GPC6: variants seen among roughly 807,000 people sequenced by gnomAD.
GPC6 encodes glypican-6.
GPC6 carries 14 observed loss-of-function variants against 55.2 expected under a neutral mutation model. That is an observed-to-expected ratio of 0.25 (90% confidence interval 0.17 to 0.40). The LOEUF (loss-of-function observed/expected upper bound fraction) is 0.40, where lower values mean the gene tolerates loss of function less well. Among genes scored for constraint, GPC6 ranks in the 10% least tolerant of loss-of-function variants. GPC6 has a pLI of 1.00. For synonymous variants in GPC6, 278 were observed against 259.6 expected (o/e 1.07, Z -0.68); for missense variants, 641 against 708.5 (o/e 0.90, Z 1.08).
intron 7 of GPC6, among the ~76,000 whole-genome samples, chr13:94,390,493 TG>T (rs1247610010): frequency 6.6e-6 from 1 of 151,802 alleles, no homozygotes; most frequent in African/African-American, 2.4e-5. Flanking sequence ...ACAACCATGG[TG>T]GAAGGCGAAG....
At chr13:94,047,105 T>C (rs1883761365) in intron 4 of GPC6, among the ~76,000 whole-genome samples, 1 of 152,138 alleles carries the variant, frequency 6.6e-6, no homozygotes, top group Non-Finnish European at 1.5e-5. Context: ...TTTCTCTACT[T>C]CAGTGTACCA....
chr13:93,590,293 TAGTC>T (rs1295120182), intron 2 of GPC6, among the ~76,000 whole-genome samples: 1 of 152,198 alleles, frequency 6.6e-6, no homozygotes, highest in East Asian at 1.9e-4. Context: ...ATTAGCTAAA[TAGTC>T]AGTTCATGTT....
At chr13:93,671,621 T>G (rs937651520) in intron 2 of GPC6, among the ~76,000 whole-genome samples, 2 of 151,818 alleles carry the variant, frequency 1.3e-5, no homozygotes, top group Admixed American at 6.6e-5. Flanking sequence ...GGGTTTTTTT[T>G]GGGTTCTCTG....
At chr13:94,288,945 A>C (rs1354528616) in intron 5 of GPC6, among the ~76,000 whole-genome samples, 1 of 10,710 alleles carries the variant, frequency 9.3e-5, no homozygotes, top group South Asian at 6.1e-3. Context: ...ATAGATAGAT[A>C]GATAGATATA....
intron 1 of GPC6, among the ~76,000 whole-genome samples, chr13:93,324,526 T>G (rs1879570077): frequency 1.5e-5 from 2 of 135,348 alleles, no homozygotes. Flanking sequence ...TATTAAAATA[T>G]CTCATGTATG....
At chr13:93,806,716 A>G (rs888888113) in intron 2 of GPC6, among the ~76,000 whole-genome samples, 2 of 152,216 alleles carry the variant, frequency 1.3e-5, no homozygotes, top group Admixed American at 6.5e-5. Context: ...CAGATAAAAT[A>G]TACAATGTTA....
chr13:93,771,257 C>T (rs1384682095), intron 2 of GPC6, among the ~76,000 whole-genome samples: 2 of 152,174 alleles, frequency 1.3e-5, no homozygotes, highest in East Asian at 3.9e-4. Context: ...AGGCCCACTC[C>T]CAAGCCTGAG....
In GPC6 at chr13:93,375,346, GC is replaced by G. The variant is rs146631584; in HGVS notation, c.160+147731del. Among the ~76,000 whole-genome samples the G allele has an allele frequency of 4.4e-3, 665 of 152,270 alleles. 5 individuals carry two copies. Among genetic ancestry groups the G allele is most frequent in the African/African-American group, 0.015 (633 of 41,548 alleles). On this transcript the variant is annotated intron_variant, in intron 1 of 8. Transcript: ENST00000377047. Reference sequence around the variant, plus strand: ...GATTATTCCATCAGCATTGAGGACTGCTTAAAGAACTTGTATTTTCCAATCT... The same window carrying G: ...GATTATTCCATCAGCATTGAGGACTGTTAAAGAACTTGTATTTTCCAATCT...
chr13:93,651,814 C>T (rs533592204), intron 2 of GPC6, among the ~76,000 whole-genome samples: 23 of 152,246 alleles, frequency 1.5e-4, no homozygotes, highest in African/African-American at 5.5e-4. Flanking sequence ...TCAAACCTGG[C>T]TGCACATTAG....
intron 3 of GPC6, among the ~76,000 whole-genome samples, chr13:93,927,805 C>G (rs891046090): frequency 6.6e-6 from 1 of 151,962 alleles, no homozygotes; most frequent in Admixed American, 6.6e-5. Context: ...GTTATAAAAG[C>G]ACTGAATAAG....
At chr13:93,765,088 C>G (rs142657147) in intron 2 of GPC6, among the ~76,000 whole-genome samples, 1 of 152,104 alleles carries the variant, frequency 6.6e-6, no homozygotes. Flanking sequence ...CGTGAGCCAC[C>G]GGGCATGCCC....
At chr13:93,638,341 A>G (rs1377257149) in intron 2 of GPC6, among the ~76,000 whole-genome samples, 4 of 152,116 alleles carry the variant, frequency 2.6e-5, no homozygotes, top group African/African-American at 4.8e-5. Context: ...TTAATTAACA[A>G]TGTTTCAAAG....
intron 3 of GPC6, among the ~76,000 whole-genome samples, chr13:93,930,650 A>T (rs1380784751): frequency 6.6e-6 from 1 of 152,092 alleles, no homozygotes; most frequent in Non-Finnish European, 1.5e-5. Context: ...CAGGGCATGG[A>T]GAATAGATGA....
intron 1 of GPC6, among the ~76,000 whole-genome samples, chr13:93,467,575 C>CTTT (rs11426472): frequency 0.013 from 956 of 74,030 alleles, 9 homozygotes; most frequent in African/African-American, 0.017. Flanking sequence ...AGCTGTGATT[C>CTTT]TTTTTTTTTT....
intron 3 of GPC6, among the ~76,000 whole-genome samples, chr13:93,875,827 A>G (rs534599409): frequency 6.6e-6 from 1 of 152,222 alleles, no homozygotes; most frequent in East Asian, 1.9e-4. Flanking sequence ...AACAAGCTTC[A>G]GGGAACAGAG....
Position 93,479,848 on chromosome 13 carries a change from A to G in GPC6, c.161-65415A>G, listed in dbSNP as rs1879449095. Among the ~76,000 whole-genome samples, 3 of 152,190 alleles carry G rather than the reference A, an allele frequency of 2.0e-5. No homozygotes were observed. In the South Asian group the frequency reaches 6.2e-4, roughly 32 times the overall value. On this transcript the variant is annotated intron_variant, in intron 1 of 8. Transcript: ENST00000377047. ...TCATACGGTGTAGTCTTCTGGATTAAAACAATGATTTATTTCTCATGGAGA... is the reference window on the plus strand; with the variant it reads ...TCATACGGTGTAGTCTTCTGGATTAGAACAATGATTTATTTCTCATGGAGA...
chr13:94,233,428 T>G (rs9516370), intron 4 of GPC6, among the ~76,000 whole-genome samples: 4 of 152,050 alleles, frequency 2.6e-5, no homozygotes, highest in Non-Finnish European at 4.4e-5. Flanking sequence ...CATTATCTGC[T>G]CTTTCACTTT....
chr13:94,031,269 T>C (rs1883127509), intron 4 of GPC6, among the ~76,000 whole-genome samples: 1 of 152,198 alleles, frequency 6.6e-6, no homozygotes, highest in Non-Finnish European at 1.5e-5. Flanking sequence ...ACTCCATTTT[T>C]ACATGAAGAA....
At chr13:93,259,138 A>G (rs1379555498) in intron 1 of GPC6, among the ~76,000 whole-genome samples, 3 of 152,136 alleles carry the variant, frequency 2.0e-5, no homozygotes, top group African/African-American at 4.8e-5. Context: ...TTCTCTTTAC[A>G]TTTCTTTCCA....
Sources: gnomAD v4.1 joint callset for allele counts (sites outside exome capture counted in the v4.1 genomes callset) on GRCh38, gnomAD v4.1.1 for gene constraint, MANE v1.5 for transcripts, NCBI Gene and HGNC (gene_info 2026-07-23, HGNC 2026-07-21) for gene names.